The following CRYL1 variants were observed in gnomAD, a reference collection of about 807,000 sequenced individuals.
CRYL1 encodes the protein crystallin lambda 1, also known as lambda-crystallin homolog.
In CRYL1, 29 loss-of-function variants were observed where a neutral mutation model predicts 36.6. That is an observed-to-expected ratio of 0.79 (90% confidence interval 0.59 to 1.08). The LOEUF (loss-of-function observed/expected upper bound fraction) is 1.08. CRYL1 is among the 50% of genes least tolerant of loss of function. The pLI is 0.00. For synonymous variants in CRYL1, 152 were observed against 151.5 expected, an observed-to-expected ratio of 1.00 and a Z score of -0.02; for missense variants, 411 against 407.9, an observed-to-expected ratio of 1.01 and a Z score of -0.06.
Position 20,404,105 on chromosome 13 carries a change from A to G in CRYL1, c.*24T>C. On this transcript the variant is annotated 3_prime_UTR_variant, in exon 8 of 8. Coordinates refer to ENST00000298248, the MANE Select transcript of CRYL1 (RefSeq NM_015974.3). Reference sequence around the variant, plus strand: ...CCCAAATAGGGCCTCCAATGAGAGGAGTGGAAGCTGCATTACAAGAAATTC... The same window carrying G: ...CCCAAATAGGGCCTCCAATGAGAGGGGTGGAAGCTGCATTACAAGAAATTC... 1.3e-6 allele frequency: 2 copies of G among 1,504,698 alleles called. No individual in the cohort carries two copies. Among genetic ancestry groups the G allele is most frequent in the Non-Finnish European group, 1.9e-6 (2 of 1,080,310 alleles). 93.2% of individuals were successfully genotyped at this position (1,504,698 alleles called of 1,614,324 possible).
intron 1 of CRYL1, among the ~76,000 whole-genome samples, chr13:20,518,729 G>T (rs972186753): frequency 6.6e-6 from 1 of 152,186 alleles, no homozygotes; most frequent in Non-Finnish European, 1.5e-5. Context: ...GCTGGTGCCC[G>T]ATGCGATGGG....
chr13:20,412,655 G>C (rs1365474036), intron 6 of CRYL1, among the ~76,000 whole-genome samples: 1 of 152,034 alleles, frequency 6.6e-6, no homozygotes, highest in Non-Finnish European at 1.5e-5. Context: ...TTCATTCTTG[G>C]AAGTTTCTTG....
At chr13:20,495,978 T>A (rs9509250) in intron 2 of CRYL1, among the ~76,000 whole-genome samples, 51,268 of 152,070 alleles carry the variant, frequency 0.34, 8,791 homozygotes, top group Admixed American at 0.4. Context: ...TTGTATTTTT[T>A]AGTGGAGACG....
intron 4 of CRYL1, among the ~76,000 whole-genome samples, chr13:20,434,492 T>C (rs942913672): frequency 1.3e-5 from 2 of 151,438 alleles, no homozygotes; most frequent in East Asian, 2.0e-4. Context: ...GGGGGAAGGA[T>C]TGAAAAAAGG....
intron 4 of CRYL1, among the ~76,000 whole-genome samples, chr13:20,437,260 A>G (rs1244962739): frequency 6.6e-6 from 1 of 152,168 alleles, no homozygotes; most frequent in African/African-American, 2.4e-5. Flanking sequence ...ATTTGCTTTA[A>G]TTAACATCGG....
At chr13:20,459,214 C>T (rs1307135821) in intron 3 of CRYL1, among the ~76,000 whole-genome samples, 10 of 122,228 alleles carry the variant, frequency 8.2e-5, no homozygotes, top group African/African-American at 1.3e-4. Context: ...CCAGCCTGGG[C>T]GACAGAGCGA....
chr13:20,462,748 G>A (rs367878252), intron 3 of CRYL1, among the ~76,000 whole-genome samples: 1 of 151,622 alleles, frequency 6.6e-6, no homozygotes, highest in Non-Finnish European at 1.5e-5. Flanking sequence ...TAAAGCAGCA[G>A]GCATACGATG....
At chr13:20,507,503 T>C (rs2137501192) in intron 2 of CRYL1, among the ~76,000 whole-genome samples, 2 of 152,330 alleles carry the variant, frequency 1.3e-5, no homozygotes, top group South Asian at 4.1e-4. Flanking sequence ...AATCAGAGAT[T>C]CACGGGTCTC....
chr13:20,510,082 AT>A (rs1361978273), intron 2 of CRYL1, among the ~76,000 whole-genome samples: 3 of 152,328 alleles, frequency 2.0e-5, no homozygotes, highest in Middle Eastern at 3.4e-3. Flanking sequence ...TAGGACAGCC[AT>A]TTTGGAAGGC....
At chr13:20,504,927 G>C (rs1238050904) in intron 2 of CRYL1, among the ~76,000 whole-genome samples, 1 of 151,950 alleles carries the variant, frequency 6.6e-6, no homozygotes, top group Non-Finnish European at 1.5e-5. Flanking sequence ...CATTTTTACA[G>C]GTTCAGAATC....
At chr13:20,467,114 AT>A (rs34482050) in intron 3 of CRYL1, among the ~76,000 whole-genome samples, 134,428 of 144,008 alleles carry the variant, frequency 0.93, 63,347 homozygotes, top group East Asian at 1. Flanking sequence ...CGCCCGGCTG[AT>A]TTTTTTTTTT....
intron 2 of CRYL1, among the ~76,000 whole-genome samples, chr13:20,498,404 C>T (rs938323594): frequency 1.4e-4 from 19 of 134,700 alleles, no homozygotes; most frequent in African/African-American, 4.9e-4. Flanking sequence ...CTATGCACAC[C>T]AATACACACT....
chr13:20,423,594 C>T (rs957441847), intron 5 of CRYL1, among the ~76,000 whole-genome samples: 4 of 151,980 alleles, frequency 2.6e-5, no homozygotes, highest in African/African-American at 9.7e-5. Context: ...TATCTCTGCA[C>T]CCTGTGATGA....
At chr13:20,517,349 C>G (rs2034017568) in intron 1 of CRYL1, among the ~76,000 whole-genome samples, 1 of 152,140 alleles carries the variant, frequency 6.6e-6, no homozygotes, top group South Asian at 2.1e-4. Context: ...ACCTGTAACC[C>G]TTTGGGAGAC....
At chr13:20,469,424 G>C (rs932823621) in intron 3 of CRYL1, among the ~76,000 whole-genome samples, 2 of 152,126 alleles carry the variant, frequency 1.3e-5, no homozygotes, top group Non-Finnish European at 2.9e-5. Flanking sequence ...GAGAAGTTCA[G>C]GTCTGGGTCA....
intron 3 of CRYL1, among the ~76,000 whole-genome samples, chr13:20,454,672 GCCTC>G (rs1347983299): frequency 4.6e-5 from 7 of 152,066 alleles, no homozygotes; most frequent in African/African-American, 1.7e-4. Context: ...ACCCGCCTCG[GCCTC>G]CCAAAGTGCT....
chr13:20,414,229 A>G (rs1048349210), intron 5 of CRYL1, among the ~76,000 whole-genome samples: 1 of 140,174 alleles, frequency 7.1e-6, no homozygotes, highest in African/African-American at 2.6e-5. Flanking sequence ...ACACACACAC[A>G]TATGTATACA....
At chr13:20,462,134 G>C in intron 3 of CRYL1, among the ~76,000 whole-genome samples, 1 of 148,054 alleles carries the variant, frequency 6.8e-6, no homozygotes, top group South Asian at 2.2e-4. Context: ...GGGAGGGATG[G>C]AGTGGGAGGA....
intron 2 of CRYL1, among the ~76,000 whole-genome samples, chr13:20,490,111 C>A (rs900293529): frequency 1.4e-4 from 22 of 152,224 alleles, no homozygotes; most frequent in African/African-American, 5.1e-4. Flanking sequence ...TAGAGGCAGG[C>A]CAGGCTAGGT....
Sources: gnomAD v4.1 joint callset for allele counts (sites outside exome capture counted in the v4.1 genomes callset) on GRCh38, gnomAD v4.1.1 for gene constraint, MANE v1.5 for transcripts, NCBI Gene and HGNC (gene_info 2026-07-23, HGNC 2026-07-21) for gene names.